The following ADGRL2 variants were observed in gnomAD, a reference collection of about 807,000 sequenced individuals.
ADGRL2 encodes the protein adhesion G protein-coupled receptor L2.
ADGRL2 carries 44 observed loss-of-function variants against 157.4 expected under a neutral mutation model. That is an observed-to-expected ratio of 0.28 (90% CI 0.22 to 0.36). ADGRL2 has a LOEUF of 0.36. Ranked by LOEUF, ADGRL2 falls within the 10% of genes least tolerant of loss-of-function variation. The pLI is 1.00. For missense variants in ADGRL2, 1,510 were observed against 1,768.9 expected, an observed-to-expected ratio of 0.85 and a Z score of 2.63; for synonymous variants, 585 against 624.7, an observed-to-expected ratio of 0.94 and a Z score of 0.95.
intron 4 of ADGRL2, among the ~76,000 whole-genome samples, chr1:81,940,866 GT>G (rs1372763295): frequency 6.6e-6 from 1 of 150,614 alleles, no homozygotes; most frequent in Non-Finnish European, 1.5e-5. Context: ...TTAGAATACG[GT>G]TTACCAACAA....
intron 1 of ADGRL2, among the ~76,000 whole-genome samples, chr1:81,383,654 T>C (rs2076380711): frequency 1.5e-5 from 2 of 133,158 alleles, no homozygotes; most frequent in Admixed American, 7.8e-5. Flanking sequence ...TCTCCTAAAC[T>C]ACTAGTTTAA....
intron 1 of ADGRL2, among the ~76,000 whole-genome samples, chr1:81,311,234 G>A (rs895491859): frequency 1.3e-5 from 2 of 152,166 alleles, no homozygotes; most frequent in Admixed American, 6.5e-5. Flanking sequence ...GGATTAGAAA[G>A]TCTGTTTGTT....
At chr1:81,848,163 A>G (rs973076013) in intron 2 of ADGRL2, among the ~76,000 whole-genome samples, 5 of 151,848 alleles carry the variant, frequency 3.3e-5, no homozygotes, top group Admixed American at 1.3e-4. Context: ...TTTTAATTTT[A>G]CGATAATACC....
In ADGRL2 at chr1:81,568,038, T is replaced by A. The variant is rs539209792; in HGVS notation, c.-247-12838T>A. ...TTTTTCTAATTTTTTCTGTTGGTTGTACGTTGAAATACAATGGCTTCGAAA... is the reference window on the plus strand; with the variant it reads ...TTTTTCTAATTTTTTCTGTTGGTTGAACGTTGAAATACAATGGCTTCGAAA... On this transcript the variant is annotated intron_variant, in intron 2 of 24. Transcript: ENST00000370721. Among the ~76,000 whole-genome samples the A allele has an allele frequency of 1.3e-4, 20 of 152,164 alleles. No homozygotes were observed. In the East Asian group the frequency reaches 3.9e-3, roughly 29 times the overall value.
intron 21 of ADGRL2, among the ~76,000 whole-genome samples, chr1:81,985,907 T>A (rs1195043146): frequency 6.6e-6 from 1 of 152,034 alleles, no homozygotes; most frequent in Non-Finnish European, 1.5e-5. Context: ...AAAAATTATA[T>A]GGTATTGTAT....
chr1:81,959,806 G>GT lies in ADGRL2; in HGVS notation c.2017+3757dup, dbSNP rs904949885. 4.7e-3 allele frequency among the ~76,000 whole-genome samples: 679 copies of GT among 144,932 alleles called. 2 individuals are homozygous for GT. Among genetic ancestry groups the GT allele is most frequent in the Middle Eastern group, 7.0e-3 (2 of 284 alleles). On this transcript the variant is annotated intron_variant, in intron 11 of 23. Coordinates refer to ENST00000686636, the MANE Select transcript of ADGRL2 (RefSeq NM_001366006.2). ...CTGATAGATATGTCAGTTGAGTTTTGTTTTTTTTTTTGAGATGGAGTTCCA... is the reference window on the plus strand; with the variant it reads ...CTGATAGATATGTCAGTTGAGTTTTGTTTTTTTTTTTTGAGATGGAGTTCCA...
intron 1 of ADGRL2, among the ~76,000 whole-genome samples, chr1:81,707,639 G>A (rs2083780766): frequency 7.6e-6 from 1 of 130,738 alleles, no homozygotes; most frequent in South Asian, 2.3e-4. Context: ...TTGCTTGAAT[G>A]TATGTTATTG....
rs1164087131 is a variant in ADGRL2 at position 81,616,679 on chromosome 1, C to CTTTTTTTTTTTT, written c.-143+35703_-143+35714dup. 5.4e-3 allele frequency among the ~76,000 whole-genome samples: 567 copies of CTTTTTTTTTTTT among 105,966 alleles called. 6 individuals carry two copies. The highest frequency in any genetic ancestry group is 7.7e-3 in the Non-Finnish European group (420 of 54,462). 69.5% of individuals were successfully genotyped at this position (105,966 alleles called of 152,430 possible). ...TTTTTCTTTTCTTTTCTTTTCTTTT[C>CTTTTTTTTTTTT]TTTTTTTTTTTTTTTGAGACAGGGT... On this transcript the variant is annotated intron_variant, in intron 3 of 24. Coordinates refer to the ADGRL2 transcript ENST00000370721.
chr1:81,655,440 C>T (rs572095415), intron 3 of ADGRL2, among the ~76,000 whole-genome samples: 64 of 152,306 alleles, frequency 4.2e-4, no homozygotes, highest in African/African-American at 1.4e-3. Context: ...ATATGTCAGA[C>T]TCCAAAGCCC....
At chr1:81,515,528 G>A (rs1226259113) in intron 2 of ADGRL2, among the ~76,000 whole-genome samples, 1 of 151,766 alleles carries the variant, frequency 6.6e-6, no homozygotes, top group Non-Finnish European at 1.5e-5. Flanking sequence ...TGTATAGACA[G>A]TATAGTAGTT....
At chr1:81,501,112 G>A (rs1433074626) in intron 2 of ADGRL2, among the ~76,000 whole-genome samples, 1 of 152,160 alleles carries the variant, frequency 6.6e-6, no homozygotes, top group African/African-American at 2.4e-5. Flanking sequence ...GAGCTAACTC[G>A]CAGGGGCAAA....
At chr1:81,438,219 G>A (rs1039955427) in intron 1 of ADGRL2, among the ~76,000 whole-genome samples, 15 of 152,064 alleles carry the variant, frequency 9.9e-5, no homozygotes, top group Non-Finnish European at 4.4e-5. Flanking sequence ...TGGTAACAAT[G>A]GAGTTCTGGC....
chr1:81,436,976 A>C (rs961621754), intron 1 of ADGRL2, among the ~76,000 whole-genome samples: 10 of 152,262 alleles, frequency 6.6e-5, no homozygotes, highest in African/African-American at 2.4e-4. Context: ...TTACGATAGT[A>C]AATCCAGATG....
At chr1:81,356,691 C>A (rs543771629) in intron 1 of ADGRL2, among the ~76,000 whole-genome samples, 7 of 152,032 alleles carry the variant, frequency 4.6e-5, no homozygotes, top group Non-Finnish European at 8.8e-5. Flanking sequence ...CAATGGCTCA[C>A]GCCTGTAATC....
At chr1:81,908,429 G>A (rs2094633495) in intron 3 of ADGRL2, among the ~76,000 whole-genome samples, 1 of 152,082 alleles carries the variant, frequency 6.6e-6, no homozygotes, top group African/African-American at 2.4e-5. Flanking sequence ...TGGCTTGATA[G>A]TTCATTTCTT....
chr1:81,953,617 C>T (rs115937178), intron 10 of ADGRL2, among the ~76,000 whole-genome samples: 1,769 of 152,204 alleles, frequency 0.012, 42 homozygotes, highest in African/African-American at 0.041. Context: ...CACTGTTGAG[C>T]TCAGAATCCC....
chr1:81,604,922 TTA>T (rs1207801496), intron 3 of ADGRL2, among the ~76,000 whole-genome samples: 1 of 152,160 alleles, frequency 6.6e-6, no homozygotes, highest in Non-Finnish European at 1.5e-5. Context: ...GAGAAAGATA[TTA>T]TGTTTATTCA....
chr1:81,400,200 G>A (rs1048055292), intron 1 of ADGRL2, among the ~76,000 whole-genome samples: 2 of 152,004 alleles, frequency 1.3e-5, no homozygotes, highest in Non-Finnish European at 1.5e-5. Flanking sequence ...TTATCTTAGG[G>A]TATGCCAATT....
At chr1:81,573,081 A>G (rs2080727590) in intron 2 of ADGRL2, among the ~76,000 whole-genome samples, 2 of 151,992 alleles carry the variant, frequency 1.3e-5, no homozygotes, top group Non-Finnish European at 2.9e-5. Context: ...TTGTTATGCA[A>G]GAGAGTATTT....
Sources: gnomAD v4.1 joint callset for allele counts (sites outside exome capture counted in the v4.1 genomes callset) on GRCh38, gnomAD v4.1.1 for gene constraint, MANE v1.5 for transcripts, NCBI Gene and HGNC (gene_info 2026-07-23, HGNC 2026-07-21) for gene names.